COL22A1: variants seen among roughly 807,000 people sequenced by gnomAD.
The protein encoded by COL22A1 is collagen type XXII alpha 1 chain, also known as collagen alpha-1(XXII) chain.
Under a neutral mutation model 248.9 loss-of-function variants are expected in COL22A1, and 221 were observed. The observed-to-expected ratio is 0.89, with a 90% CI of 0.80 to 0.99. The LOEUF is 0.99. COL22A1 is among the 50% of genes least tolerant of loss of function. The probability of loss-of-function intolerance (pLI) is 0.00; values close to 1 mark genes in which losing one functional copy is unlikely to be tolerated. For synonymous variants in COL22A1, 891 were observed against 793.4 expected (o/e 1.12, Z -2.07); for missense variants, 2,240 against 2,179.0 (o/e 1.03, Z -0.56).
chr8:138,650,567 G>A (rs781384700), intron 45 of COL22A1, among the ~76,000 whole-genome samples: 3 of 152,068 alleles, frequency 2.0e-5, no homozygotes, highest in Non-Finnish European at 2.9e-5. Context: ...CCCCCTCCAT[G>A]GCCTTCTCTC....
At chr8:138,771,618 CG>C (rs2131462194) in intron 16 of COL22A1, among the ~76,000 whole-genome samples, 1 of 152,184 alleles carries the variant, frequency 6.6e-6, no homozygotes, top group East Asian at 1.9e-4. Flanking sequence ...TGCTTCCAAA[CG>C]GTGTTTTGGC....
At chr8:138,761,923 T>C (rs1833516008) in intron 17 of COL22A1, among the ~76,000 whole-genome samples, 1 of 152,136 alleles carries the variant, frequency 6.6e-6, no homozygotes, top group Admixed American at 6.5e-5. Context: ...TTCCCAACAC[T>C]TTTCTTTATT....
intron 14 of COL22A1, 139 bp downstream of exon 14, chr8:138,779,370 C>A: frequency 1.6e-6 from 1 of 614,166 alleles, no homozygotes; most frequent in Non-Finnish European, 3.0e-6. Context: ...GATATACACA[C>A]ACAAATGTGC....
chr8:138,619,911 T>C, intron 52 of COL22A1: 1 of 197,758 alleles, frequency 5.1e-6, no homozygotes, highest in Non-Finnish European at 1.0e-5. Flanking sequence ...AGGCTCAAAG[T>C]TATATTTTTA....
chr8:138,666,245 A>G (rs1824493621), intron 41 of COL22A1, among the ~76,000 whole-genome samples: 1 of 152,168 alleles, frequency 6.6e-6, no homozygotes, highest in Non-Finnish European at 1.5e-5. Context: ...AAAGAGTCAT[A>G]CAGACACATA....
intron 16 of COL22A1, among the ~76,000 whole-genome samples, chr8:138,766,489 T>C (rs1833921779): frequency 6.7e-6 from 1 of 150,152 alleles, no homozygotes; most frequent in Non-Finnish European, 1.5e-5. Context: ...CAGAGACAGA[T>C]ACAGAGACAC....
intron 63 of COL22A1, among the ~76,000 whole-genome samples, chr8:138,593,034 G>A (rs546575312): frequency 2.0e-5 from 3 of 152,182 alleles, no homozygotes; most frequent in Admixed American, 6.5e-5. Flanking sequence ...ATACTATGCA[G>A]CCATAAAAAA....
rs543024405 is a variant in COL22A1, at chr8:138,617,349, A to G, written c.3826-391T>C. Reference sequence around the variant, plus strand: ...AGGTGATTCCCTTGTAGGGAACATCACCTTCACCCAGAGTTAGGTCCTGTG... The same window carrying G: ...AGGTGATTCCCTTGTAGGGAACATCGCCTTCACCCAGAGTTAGGTCCTGTG... On this transcript the variant is annotated intron_variant, in intron 53 of 64. Transcript: ENST00000303045. 2.1e-5 allele frequency among the ~76,000 whole-genome samples: 3 copies of G among 140,108 alleles called. No individual in the cohort carries two copies. The South Asian group carries it at 7.7e-4, about 36-fold the overall frequency. The allele number at this position is 140,108 out of a possible 152,430, so 91.9% of individuals were successfully genotyped here. A position where few individuals can be genotyped will look rare whatever the true frequency, so the allele number is the denominator to read the frequency against.
intron 23 of COL22A1, among the ~76,000 whole-genome samples, chr8:138,736,195 T>C (rs73722205): frequency 0.12 from 17,754 of 151,660 alleles, 2,619 homozygotes; most frequent in African/African-American, 0.33. Context: ...ACTGGGTTCC[T>C]TCTGTGCCTT....
chr8:138,672,342 T>G (rs563135697), intron 41 of COL22A1, among the ~76,000 whole-genome samples: 4 of 152,350 alleles, frequency 2.6e-5, no homozygotes, highest in Non-Finnish European at 4.4e-5. Flanking sequence ...AAGTAGGCAC[T>G]TTATGTTGGC....
chr8:138,789,700 A>G (rs1431275705), intron 12 of COL22A1, among the ~76,000 whole-genome samples: 1 of 152,226 alleles, frequency 6.6e-6, no homozygotes, highest in Non-Finnish European at 1.5e-5. Context: ...GCCGTGGTGA[A>G]AAATGGGGGA....
chr8:138,759,515 G>C (rs1026422240), intron 18 of COL22A1, among the ~76,000 whole-genome samples: 2 of 152,152 alleles, frequency 1.3e-5, no homozygotes, highest in African/African-American at 4.8e-5. Context: ...TTGAGCTCAG[G>C]CTATGTCTCG....
intron 9 of COL22A1, among the ~76,000 whole-genome samples, chr8:138,810,278 A>G (rs537551734): frequency 5.3e-5 from 8 of 152,334 alleles, no homozygotes; most frequent in African/African-American, 1.9e-4. Flanking sequence ...CGCTCCTGGC[A>G]CAGTCCATCT....
chr8:138,635,160 T>G (rs746008960), intron 48 of COL22A1, 97 bp from the exon 49 acceptor site: 1 of 977,494 alleles, frequency 1.0e-6, no homozygotes, highest in Non-Finnish European at 1.5e-6. Context: ...AGAATCCACC[T>G]TCCAACCCTA....
At chr8:138,804,385 C>T (rs916675362) in intron 10 of COL22A1, among the ~76,000 whole-genome samples, 1 of 152,172 alleles carries the variant, frequency 6.6e-6, no homozygotes, top group African/African-American at 2.4e-5. Flanking sequence ...CTTTTCAGTG[C>T]TCTTCTCCTC....
intron 9 of COL22A1, 57 bp from the exon 10 acceptor site, chr8:138,807,869 CA>C: frequency 6.4e-7 from 1 of 1,560,910 alleles, no homozygotes; most frequent in Non-Finnish European, 8.8e-7. Context: ...CCCTTTCTCT[CA>C]ACACTGGATG....
chr8:138,660,674 A>T (rs1224415041), intron 43 of COL22A1, among the ~76,000 whole-genome samples, 194 bp from the exon 44 acceptor site: 2 of 152,178 alleles, frequency 1.3e-5, no homozygotes, highest in Non-Finnish European at 1.5e-5. Flanking sequence ...GCTTCCCAGG[A>T]AGAATTCGAC....
In COL22A1 at chr8:138,773,309, C is replaced by G. The variant is rs558234647; in HGVS notation, c.1803+2657G>C. Among the ~76,000 whole-genome samples the G allele has an allele frequency of 7.2e-5, 11 of 152,234 alleles. No homozygotes were observed. In the South Asian group the frequency reaches 1.5e-3, roughly 20 times the overall value. On this transcript the variant is annotated intron_variant, in intron 16 of 64. Transcript: ENST00000303045. ...GGCTGATCCCGGCTTCTGGCTGCCC[C>G]CCGAGGGACCACATTGGTACTGGAT...
intron 18 of COL22A1, among the ~76,000 whole-genome samples, chr8:138,758,521 T>C (rs1382356954): frequency 6.6e-6 from 1 of 152,236 alleles, no homozygotes; most frequent in Non-Finnish European, 1.5e-5. Flanking sequence ...AGGCAGATAA[T>C]ATGATAGGCC....
Sources: allele counts gnomAD v4.1 joint callset (sites outside exome capture counted in the v4.1 genomes callset), GRCh38; gene constraint gnomAD v4.1.1; transcripts MANE v1.5; gene names NCBI Gene and HGNC (gene_info 2026-07-23, HGNC 2026-07-21).